CFAP20DC: variants seen among roughly 807,000 people sequenced by gnomAD.
CFAP20DC encodes the protein CFAP20 domain containing, also known as protein CFAP20DC.
Under a neutral mutation model 101.7 loss-of-function variants are expected in CFAP20DC, and 84 were observed. The observed-to-expected ratio is 0.83, with a 90% CI of 0.69 to 0.99. The LOEUF (loss-of-function observed/expected upper bound fraction) is 0.99. Among genes scored for constraint, CFAP20DC ranks in the 50% least tolerant of loss-of-function variants. CFAP20DC has a pLI of 0.00. For synonymous variants in CFAP20DC, 359 were observed against 351.2 expected (o/e 1.02, Z -0.25); for missense variants, 1,007 against 970.3 (o/e 1.04, Z -0.50).
At chr3:58,761,943 T>G (rs1247879594) in intron 15 of CFAP20DC, among the ~76,000 whole-genome samples, 1 of 151,944 alleles carries the variant, frequency 6.6e-6, no homozygotes. Flanking sequence ...TGCTGAGGAG[T>G]GCTTTACTTC....
intron 4 of CFAP20DC, among the ~76,000 whole-genome samples, chr3:59,030,064 C>T (rs1220658917): frequency 6.6e-6 from 1 of 152,190 alleles, no homozygotes; most frequent in East Asian, 1.9e-4. Context: ...CAAGACTTCA[C>T]TTATGAAAAC....
intron 15 of CFAP20DC, among the ~76,000 whole-genome samples, chr3:58,756,567 A>G (rs2068974142): frequency 6.6e-6 from 1 of 151,400 alleles, no homozygotes; most frequent in African/African-American, 2.4e-5. Flanking sequence ...GTTGTTGTGG[A>G]TTACATACAA....
intron 14 of CFAP20DC, among the ~76,000 whole-genome samples, chr3:58,829,828 C>A (rs2076277176): frequency 6.6e-6 from 1 of 152,164 alleles, no homozygotes; most frequent in South Asian, 2.1e-4. Flanking sequence ...CATAAATAAT[C>A]ATTCCTCAGC....
At chr3:58,991,894 C>T (rs1461869801) in intron 4 of CFAP20DC, among the ~76,000 whole-genome samples, 1 of 152,098 alleles carries the variant, frequency 6.6e-6, no homozygotes, top group Non-Finnish European at 1.5e-5. Context: ...GGTTTTACAA[C>T]AATTATTCTA....
chr3:58,910,635 T>C (rs1018664571), intron 6 of CFAP20DC, among the ~76,000 whole-genome samples: 16 of 151,630 alleles, frequency 1.1e-4, no homozygotes, highest in Admixed American at 6.6e-4. Flanking sequence ...AATCTGAAAA[T>C]ATCTGTCCTT....
intron 14 of CFAP20DC, among the ~76,000 whole-genome samples, chr3:58,807,645 T>C (rs1026654587): frequency 4.6e-5 from 7 of 152,158 alleles, no homozygotes; most frequent in African/African-American, 1.4e-4. Flanking sequence ...CTGGAAACTC[T>C]AAAAAGCAGA....
At chr3:59,037,284 A>T (rs1230775218) in intron 4 of CFAP20DC, among the ~76,000 whole-genome samples, 1 of 152,184 alleles carries the variant, frequency 6.6e-6, no homozygotes, top group African/African-American at 2.4e-5. Context: ...GACAAATGGG[A>T]TCTAATTAAA....
intron 5 of CFAP20DC, among the ~76,000 whole-genome samples, chr3:58,934,901 T>C (rs1267338022): frequency 2.0e-5 from 3 of 152,116 alleles, no homozygotes; most frequent in Non-Finnish European, 2.9e-5. Flanking sequence ...CTATTCAACA[T>C]AGTGTTGGAA....
chr3:58,931,226 C>T (rs1037178516), intron 5 of CFAP20DC, among the ~76,000 whole-genome samples: 1 of 152,050 alleles, frequency 6.6e-6, no homozygotes, highest in African/African-American at 2.4e-5. Context: ...GGGAGGGGTG[C>T]GCGCCATTGC....
At position 59,049,594 on chromosome 3, in the gene CFAP20DC, G is replaced by A; in HGVS notation, c.21+17C>T. On this transcript the variant is annotated intron_variant, in intron 1 of 16. Transcript: ENST00000482387. Reference sequence around the variant, plus strand: ...AGGAGAAAGGTATAGACAGGTTGGAGAACCGTTTCGGGTTACCTGGTACTC... The same window carrying A: ...AGGAGAAAGGTATAGACAGGTTGGAAAACCGTTTCGGGTTACCTGGTACTC... The A allele has an allele frequency of 1.3e-6, 2 of 1,535,724 alleles. No homozygotes were observed. The highest frequency in any genetic ancestry group is 1.7e-6 in the Non-Finnish European group (2 of 1,146,504).
At chr3:58,946,773 A>G (rs906021563) in intron 4 of CFAP20DC, among the ~76,000 whole-genome samples, 3 of 152,184 alleles carry the variant, frequency 2.0e-5, no homozygotes, top group African/African-American at 7.2e-5. Context: ...GGGAGTTTTA[A>G]TATGAGACAT....
At position 59,006,677 on chromosome 3, in the gene CFAP20DC, C is replaced by T. The variant is rs2093441025; in HGVS notation, c.278+32880G>A. Among the ~76,000 whole-genome samples the T allele has an allele frequency of 6.6e-6, 1 of 152,126 alleles. No homozygotes were observed. The highest frequency in any genetic ancestry group is 2.4e-5 in the African/African-American group (1 of 41,414). The stretch of plus-strand genomic sequence containing the variant: ...GGCAGTCCCATTCTCCAGCTTGAGC[C>T]CAGGGAAGCCAACCCTGACAATATC... On this transcript the variant is annotated intron_variant, in intron 4 of 16. Transcript: ENST00000482387. The surrounding 1 kb of genome is among the most constrained non-coding windows in gnomAD (Gnocchi z 4.3).
chr3:58,770,555 G>A (rs1212605111), intron 15 of CFAP20DC, among the ~76,000 whole-genome samples: 1 of 152,196 alleles, frequency 6.6e-6, no homozygotes, highest in Admixed American at 6.5e-5. Flanking sequence ...GGATGAGAAT[G>A]AGGCAGCCAG....
intron 4 of CFAP20DC, among the ~76,000 whole-genome samples, chr3:59,032,452 G>A (rs2094014008): frequency 6.6e-6 from 1 of 152,210 alleles, no homozygotes; most frequent in Non-Finnish European, 1.5e-5. Context: ...CCACTGGCTT[G>A]AAATTCTCGC....
chr3:58,888,779 C>T (rs1231716726), intron 6 of CFAP20DC, among the ~76,000 whole-genome samples: 2 of 152,168 alleles, frequency 1.3e-5, no homozygotes, highest in Non-Finnish European at 2.9e-5. Flanking sequence ...TGAACATATG[C>T]GTGCATGTAT....
intron 14 of CFAP20DC, among the ~76,000 whole-genome samples, chr3:58,816,391 C>T (rs1319795281): frequency 6.6e-5 from 10 of 152,158 alleles, no homozygotes; most frequent in Non-Finnish European, 1.5e-5. Flanking sequence ...GGGTTTATCT[C>T]ACTAGGGAGT....
chr3:58,771,406 C>T (rs1372222286), intron 15 of CFAP20DC, among the ~76,000 whole-genome samples: 4 of 149,270 alleles, frequency 2.7e-5, no homozygotes, highest in Non-Finnish European at 4.5e-5. Flanking sequence ...TAATAAAAAA[C>T]AAAAAAAAAC....
Position 58,849,137 on chromosome 3 carries a change from T to G in CFAP20DC, c.1866A>C (p.Val622=), listed in dbSNP as rs1411032877. ...CGSCQKTPEP[V]IKAKDLSAQQ... ...GGGCTGATAGATCCTTCGCTTTGAT[T>G]ACGGGCTCTGGAGTTTTCTGACAGG... The change falls in exon 13 of 17, where the codon GTA becomes GTC. Residue 622 remains valine, a synonymous_variant. Transcript: ENST00000482387. The G allele has an allele frequency of 1.3e-6, 2 of 1,535,992 alleles. No individual in the cohort carries two copies. The highest frequency in any genetic ancestry group is 2.7e-5 in the African/African-American group (2 of 73,030).
rs1230506361 is a variant in CFAP20DC, at chr3:58,819,673, C to A, written c.2175+12013G>T. On this transcript the variant is annotated intron_variant, in intron 14 of 16. Transcript: ENST00000482387. ...CAATAGCTTACCAACCAAAAAGAGT[C>A]CAGGACCAGATGGATTCACAGCCGA... is the stretch of plus-strand genomic sequence containing the variant. Among the ~76,000 whole-genome samples the A allele has an allele frequency of 7.5e-3, 1,083 of 144,298 alleles. 17 individuals carry two copies. The highest frequency in any genetic ancestry group is 0.027 in the African/African-American group (1,028 of 38,028). 94.7% of individuals were successfully genotyped at this position (144,298 alleles called of 152,430 possible). A position where few individuals can be genotyped will look rare whatever the true frequency, so the allele number is the denominator to read the frequency against.
Sources: allele counts gnomAD v4.1 joint callset (sites outside exome capture counted in the v4.1 genomes callset), GRCh38; gene constraint gnomAD v4.1.1; non-coding constraint Gnocchi (gnomAD v3.1); transcripts MANE v1.5; gene names NCBI Gene and HGNC (gene_info 2026-07-23, HGNC 2026-07-21).